MTREX: variants seen among roughly 807,000 people sequenced by gnomAD.
The protein encoded by MTREX is exosome RNA helicase MTR4.
Under a neutral mutation model 135.4 loss-of-function variants are expected in MTREX, and 76 were observed. The ratio of observed to expected loss-of-function variants is 0.56; its 90% CI spans 0.47 to 0.68. MTREX has a LOEUF of 0.68. Among genes scored for constraint, MTREX ranks in the 30% least tolerant of loss-of-function variants. The probability of loss-of-function intolerance (pLI) is 0.00; values close to 1 mark genes in which losing one functional copy is unlikely to be tolerated. For missense variants in MTREX, 920 were observed against 1,262.1 expected (o/e 0.73, Z 4.11); for synonymous variants, 404 against 401.6 (o/e 1.01, Z -0.07).
chr5:55,417,319 G>C (rs1252805254), intron 25 of MTREX, among the ~76,000 whole-genome samples: 1 of 152,102 alleles, frequency 6.6e-6, no homozygotes, highest in East Asian at 1.9e-4. Flanking sequence ...TAGCAATTCA[G>C]GGTAGATATT....
chr5:55,381,479 A>G (rs962786928), intron 18 of MTREX, among the ~76,000 whole-genome samples: 12 of 152,182 alleles, frequency 7.9e-5, no homozygotes, highest in African/African-American at 2.9e-4. Context: ...TTAATCTCAA[A>G]GTATTTTCTA....
chr5:55,311,403 G>A lies in MTREX; in HGVS notation c.134+3256G>A, dbSNP rs115245764. Reference sequence around the variant, plus strand: ...CAGGATTCAAACAAAACCCTACACTGTTTTTATTGTTATGTCCCTTAAGTA... The same window carrying A: ...CAGGATTCAAACAAAACCCTACACTATTTTTATTGTTATGTCCCTTAAGTA... On this transcript the variant is annotated intron_variant, in intron 1 of 26. Transcript: ENST00000230640. Among the ~76,000 whole-genome samples the A allele has an allele frequency of 8.5e-3, 1,288 of 152,148 alleles. 18 individuals are homozygous for A. The highest frequency in any genetic ancestry group is 0.03 in the African/African-American group (1,241 of 41,504).
At chr5:55,340,245 G>C in intron 6 of MTREX, 61 bp downstream of exon 6, 1 of 1,316,516 alleles carries the variant, frequency 7.6e-7, no homozygotes, top group Non-Finnish European at 1.0e-6. Flanking sequence ...TGACTATTCA[G>C]TTAGAACCTG....
At chr5:55,405,003 C>T (rs140732946) in intron 21 of MTREX, among the ~76,000 whole-genome samples, 14 of 151,846 alleles carry the variant, frequency 9.2e-5, no homozygotes, top group East Asian at 3.9e-4. Flanking sequence ...TTAGTACAGA[C>T]GGAGTTTCAC....
intron 18 of MTREX, among the ~76,000 whole-genome samples, chr5:55,382,593 T>G (rs976056530): frequency 1.3e-5 from 2 of 152,116 alleles, no homozygotes; most frequent in Admixed American, 6.6e-5. Context: ...TTTTGAAAAT[T>G]TTTTATTACT....
At chr5:55,341,215 G>GA (rs2112056851) in intron 6 of MTREX, among the ~76,000 whole-genome samples, 1 of 152,256 alleles carries the variant, frequency 6.6e-6, no homozygotes, top group African/African-American at 2.4e-5. Context: ...CAGTTGCCAG[G>GA]AAGTATCCAT....
At chr5:55,318,657 T>C (rs543850061) in intron 1 of MTREX, among the ~76,000 whole-genome samples, 15 of 152,260 alleles carry the variant, frequency 9.9e-5, no homozygotes, top group African/African-American at 2.6e-4. Flanking sequence ...AAAAGATAAC[T>C]GTTGGGCACT....
At chr5:55,349,780 C>A in intron 12 of MTREX, 128 bp downstream of exon 12, 1 of 536,102 alleles carries the variant, frequency 1.9e-6, no homozygotes. Flanking sequence ...GTGATATGCC[C>A]TTAATGATAC....
At chr5:55,334,807 T>C (rs780837504) in intron 5 of MTREX, among the ~76,000 whole-genome samples, 7 of 152,096 alleles carry the variant, frequency 4.6e-5, no homozygotes, top group African/African-American at 7.2e-5. Flanking sequence ...TAAACATTCA[T>C]GTGCAAGTCT....
intron 16 of MTREX, among the ~76,000 whole-genome samples, chr5:55,374,391 A>T (rs1233668220): frequency 1.3e-5 from 2 of 151,526 alleles, no homozygotes; most frequent in Admixed American, 6.6e-5. Context: ...GGGCTCAAGG[A>T]ATCCTCCAAC....
intron 16 of MTREX, among the ~76,000 whole-genome samples, chr5:55,377,296 T>C (rs186776599): frequency 0.011 from 1,631 of 152,034 alleles, 15 homozygotes; most frequent in Admixed American, 0.035. Flanking sequence ...CACTGCACTC[T>C]AGCCTGGGCG....
intron 25 of MTREX, among the ~76,000 whole-genome samples, chr5:55,416,767 A>C (rs1462027024): frequency 1.3e-5 from 2 of 152,230 alleles, no homozygotes; most frequent in Non-Finnish European, 2.9e-5. Flanking sequence ...GTGTGTTTAT[A>C]AATGGCCAGT....
At chr5:55,390,496 G>T (rs1750550525) in intron 19 of MTREX, among the ~76,000 whole-genome samples, 1 of 152,202 alleles carries the variant, frequency 6.6e-6, no homozygotes. Context: ...GTGTCTGTGT[G>T]TAGAGGGCAA....
intron 5 of MTREX, among the ~76,000 whole-genome samples, chr5:55,337,212 C>T (rs964992294): frequency 6.6e-6 from 1 of 152,152 alleles, no homozygotes. Flanking sequence ...CCTTGACTTC[C>T]CAGGCTCAAC....
intron 15 of MTREX, among the ~76,000 whole-genome samples, chr5:55,359,437 C>T (rs1749973573): frequency 6.6e-6 from 1 of 152,112 alleles, no homozygotes. Context: ...ATCTATGAAA[C>T]AGATTGTGTG....
At chr5:55,331,174 A>C (rs1170755453) in intron 5 of MTREX, among the ~76,000 whole-genome samples, 2 of 151,774 alleles carry the variant, frequency 1.3e-5, no homozygotes, top group African/African-American at 4.8e-5. Flanking sequence ...TTTGGATCTG[A>C]TTTTATTGAT....
intron 5 of MTREX, among the ~76,000 whole-genome samples, chr5:55,334,182 A>G (rs568704660): frequency 6.6e-6 from 1 of 152,196 alleles, no homozygotes; most frequent in South Asian, 2.1e-4. Flanking sequence ...GAGGGGAGTA[A>G]AGAATAACTG....
At chr5:55,326,409 AAAAAG>A (rs1394021416) in intron 3 of MTREX, among the ~76,000 whole-genome samples, 2 of 152,060 alleles carry the variant, frequency 1.3e-5, no homozygotes, top group Admixed American at 6.6e-5. Context: ...CAAAAAAAGA[AAAAAG>A]AAAAGAAAAA....
intron 19 of MTREX, among the ~76,000 whole-genome samples, chr5:55,393,148 T>C (rs1750596608): frequency 6.6e-6 from 1 of 152,146 alleles, no homozygotes. Flanking sequence ...GAGTGGGAGA[T>C]GGAGTAGGAT....
Sources: gnomAD v4.1 joint callset for allele counts (sites outside exome capture counted in the v4.1 genomes callset) on GRCh38, gnomAD v4.1.1 for gene constraint, MANE v1.5 for transcripts, NCBI Gene and HGNC (gene_info 2026-07-23, HGNC 2026-07-21) for gene names.